C1GALT1: variants seen among roughly 807,000 people sequenced by gnomAD.
The protein encoded by C1GALT1 is core 1 synthase, glycoprotein-N-acetylgalactosamine 3-beta-galactosyltransferase 1, also known as glycoprotein-N-acetylgalactosamine 3-beta-galactosyltransferase 1.
A neutral mutation model predicts 31.0 loss-of-function variants in C1GALT1; 11 were observed. The ratio of observed to expected loss-of-function variants is 0.36; its 90% CI spans 0.22 to 0.59. C1GALT1 has a LOEUF of 0.59. C1GALT1 is among the 20% of genes least tolerant of loss of function. The pLI, the probability that C1GALT1 is intolerant of heterozygous loss-of-function variation, is 0.79. For synonymous variants in C1GALT1, 175 were observed against 143.6 expected (o/e 1.22, Z -1.56); for missense variants, 424 against 425.2 (o/e 1.00, Z 0.03).
intron 1 of C1GALT1, among the ~76,000 whole-genome samples, chr7:7,231,935 G>C (rs998875249): frequency 1.3e-5 from 2 of 152,190 alleles, no homozygotes; most frequent in African/African-American, 4.8e-5. Flanking sequence ...TGTAAAGATT[G>C]GTCTATTTTT....
chr7:7,219,150 T>C (rs573605676), intron 1 of C1GALT1, among the ~76,000 whole-genome samples: 110 of 152,334 alleles, frequency 7.2e-4, no homozygotes, highest in Non-Finnish European at 1.2e-3. Context: ...GAAATAGTTA[T>C]TTTTCATAAA....
intron 2 of C1GALT1, among the ~76,000 whole-genome samples, chr7:7,162,086 T>C (rs1780340055): frequency 6.6e-6 from 1 of 151,510 alleles, no homozygotes; most frequent in African/African-American, 2.4e-5. Flanking sequence ...TTTCTTTTTT[T>C]TTATTAGCTA....
intron 1 of C1GALT1, among the ~76,000 whole-genome samples, chr7:7,203,840 G>T (rs1562571324): frequency 6.7e-6 from 1 of 150,166 alleles, no homozygotes; most frequent in Non-Finnish European, 1.5e-5. Flanking sequence ...CCTCCTCCTA[G>T]CTGTTTGAAA....
At chr7:7,241,680 CTTAT>C (rs1030719461) in intron 3 of C1GALT1, among the ~76,000 whole-genome samples, 4 of 151,796 alleles carry the variant, frequency 2.6e-5, no homozygotes, top group Non-Finnish European at 4.4e-5. Flanking sequence ...TATATGAAAA[CTTAT>C]TTGTTTGATT....
In C1GALT1 at chr7:7,218,836, A is replaced by ATT. The variant is rs1281043126; in HGVS notation, c.-17-15453_-17-15452dup. On this transcript the variant is annotated intron_variant, in intron 1 of 3. Coordinates refer to ENST00000436587, the MANE Select transcript of C1GALT1 (RefSeq NM_020156.5). Reference sequence around the variant, plus strand: ...GGTATACATCTCAAACCGTGTTTCTATTTTTTTTTTTTTTTGAGATGGAGT... The same window carrying ATT: ...GGTATACATCTCAAACCGTGTTTCTATTTTTTTTTTTTTTTTTGAGATGGAGT... 6.8e-3 allele frequency among the ~76,000 whole-genome samples: 961 copies of ATT among 142,056 alleles called. 12 individuals are homozygous for ATT. Among genetic ancestry groups the ATT allele is most frequent in the African/African-American group, 0.023 (908 of 38,658 alleles). 93.2% of individuals were successfully genotyped at this position (142,056 alleles called of 152,430 possible).
intron 1 of C1GALT1, among the ~76,000 whole-genome samples, chr7:7,198,437 G>A (rs1429697517): frequency 6.6e-6 from 1 of 152,176 alleles, no homozygotes; most frequent in Non-Finnish European, 1.5e-5. Flanking sequence ...CAGTTTGGCA[G>A]TATTTTATTG....
intron 1 of C1GALT1, among the ~76,000 whole-genome samples, chr7:7,212,884 A>G (rs1782070344): frequency 6.6e-6 from 1 of 152,234 alleles, no homozygotes; most frequent in African/African-American, 2.4e-5. Context: ...GAATGTCACG[A>G]TGGCTTGACC....
intron 1 of C1GALT1, among the ~76,000 whole-genome samples, chr7:7,220,190 A>G (rs1180313673): frequency 6.6e-6 from 1 of 152,246 alleles, no homozygotes; most frequent in Non-Finnish European, 1.5e-5. Flanking sequence ...AATTAAAATT[A>G]ATAGGAATTT....
intron 1 of C1GALT1, among the ~76,000 whole-genome samples, chr7:7,228,084 T>C (rs1202979245): frequency 6.6e-6 from 1 of 152,224 alleles, no homozygotes; most frequent in East Asian, 1.9e-4. Flanking sequence ...ACTTTATAGT[T>C]TGCAGATGCT....
chr7:7,216,736 C>G (rs148509359), intron 1 of C1GALT1, among the ~76,000 whole-genome samples: 1 of 152,300 alleles, frequency 6.6e-6, no homozygotes, highest in African/African-American at 2.4e-5. Context: ...CGTTTTCCCA[C>G]TGATGGGACA....
At chr7:7,190,170 A>G (rs1781001527) in intron 1 of C1GALT1, among the ~76,000 whole-genome samples, 1 of 152,146 alleles carries the variant, frequency 6.6e-6, no homozygotes, top group African/African-American at 2.4e-5. Context: ...TTATTATAGG[A>G]TTTTGGAGAA....
chr7:7,247,214 T>G lies in C1GALT1; in HGVS notation c.*3487T>G, dbSNP rs1033494848. The G allele has an allele frequency of 3.2e-4, 49 of 152,190 alleles. No individual in the cohort carries two copies. The highest frequency in any genetic ancestry group is 1.1e-3 in the African/African-American group (46 of 41,464). 9.4% of individuals were successfully genotyped at this position (152,190 alleles called of 1,614,324 possible). A position where few individuals can be genotyped will look rare whatever the true frequency, so the allele number is the denominator to read the frequency against. ...AATAAAAAAGCAATTCTCCAAGTAC[T>G]TCATAGAGCACATAAAACCAGATTT... On this transcript the variant is annotated 3_prime_UTR_variant, in exon 4 of 4. Coordinates refer to ENST00000436587, the MANE Select transcript of C1GALT1 (RefSeq NM_020156.5).
At chr7:7,158,162 T>C (rs59413790) in intron 2 of C1GALT1, among the ~76,000 whole-genome samples, 358 of 152,322 alleles carry the variant, frequency 2.4e-3, no homozygotes, top group African/African-American at 8.3e-3. Flanking sequence ...GAGTCCACTC[T>C]AGTCTTTAGA....
intron 1 of C1GALT1, among the ~76,000 whole-genome samples, chr7:7,198,476 A>T (rs11771193): frequency 6.6e-6 from 1 of 152,092 alleles, no homozygotes; most frequent in East Asian, 1.9e-4. Flanking sequence ...TTCATCAGGG[A>T]TATTGGTCTA....
chr7:7,195,155 C>G (rs1297316967), intron 1 of C1GALT1, among the ~76,000 whole-genome samples: 1 of 151,814 alleles, frequency 6.6e-6, no homozygotes, highest in Non-Finnish European at 1.5e-5. Flanking sequence ...TTGTTTGTTT[C>G]TTTCTTTGTC....
chr7:7,183,537 A>C (rs1191500952), intron 1 of C1GALT1: 1 of 983,368 alleles, frequency 1.0e-6, no homozygotes, highest in Non-Finnish European at 1.2e-6. Context: ...ATTTTTCCCC[A>C]ACAAATTGTG....
At chr7:7,204,204 T>G (rs568331344) in intron 1 of C1GALT1, among the ~76,000 whole-genome samples, 1 of 151,892 alleles carries the variant, frequency 6.6e-6, no homozygotes, top group African/African-American at 2.4e-5. Flanking sequence ...AGCCATCATG[T>G]CCAGGGCTTT....
intron 1 of C1GALT1, among the ~76,000 whole-genome samples, chr7:7,233,687 A>ATG (rs1250807136): frequency 6.6e-6 from 1 of 152,224 alleles, no homozygotes; most frequent in Non-Finnish European, 1.5e-5. Flanking sequence ...ATATAAATGA[A>ATG]TGGGCATGGG....
At chr7:7,226,602 A>G (rs117662624) in intron 1 of C1GALT1, among the ~76,000 whole-genome samples, 8 of 152,338 alleles carry the variant, frequency 5.3e-5, no homozygotes, top group Admixed American at 3.3e-4. Context: ...AATATTTACA[A>G]AGTTCTTAGG....
Sources: allele counts gnomAD v4.1 joint callset (sites outside exome capture counted in the v4.1 genomes callset), GRCh38; gene constraint gnomAD v4.1.1; transcripts MANE v1.5; gene names NCBI Gene and HGNC (gene_info 2026-07-23, HGNC 2026-07-21).